NCKAP5: variants seen among roughly 807,000 people sequenced by gnomAD.
NCKAP5 encodes the protein nck-associated protein 5.
Under a neutral mutation model 167.0 loss-of-function variants are expected in NCKAP5, and 92 were observed. The ratio of observed to expected loss-of-function variants is 0.55; its 90% CI spans 0.47 to 0.66. The LOEUF is 0.66. Among genes scored for constraint, NCKAP5 ranks in the 30% least tolerant of loss-of-function variants. The pLI, the probability that NCKAP5 is intolerant of heterozygous loss-of-function variation, is 0.00. For synonymous variants in NCKAP5, 891 were observed against 877.4 expected, an observed-to-expected ratio of 1.02 and a Z score of -0.27; for missense variants, 2,378 against 2,315.0, an observed-to-expected ratio of 1.03 and a Z score of -0.56.
At chr2:133,181,390 A>G (rs992911648) in intron 5 of NCKAP5, among the ~76,000 whole-genome samples, 2 of 152,090 alleles carry the variant, frequency 1.3e-5, no homozygotes, top group Non-Finnish European at 2.9e-5. Context: ...ACATGCAAGG[A>G]AAAAAAGCAC....
intron 6 of NCKAP5, among the ~76,000 whole-genome samples, chr2:133,017,604 A>G (rs1354116258): frequency 1.3e-5 from 2 of 152,016 alleles, no homozygotes; most frequent in East Asian, 3.9e-4. Flanking sequence ...TCTTGCCTGT[A>G]GATTCTGAAA....
chr2:133,273,533 G>A (rs2089603197), intron 4 of NCKAP5, among the ~76,000 whole-genome samples: 1 of 151,974 alleles, frequency 6.6e-6, no homozygotes, highest in Admixed American at 6.6e-5. Flanking sequence ...GGAAGAATAG[G>A]AGGAGGAAAG....
At chr2:132,831,667 G>A (rs2105368787) in intron 11 of NCKAP5, among the ~76,000 whole-genome samples, 1 of 151,732 alleles carries the variant, frequency 6.6e-6, no homozygotes, top group South Asian at 2.1e-4. Context: ...TCTGTTTCTT[G>A]TCTTTTAACT....
intron 5 of NCKAP5, among the ~76,000 whole-genome samples, chr2:133,137,312 T>C (rs1185835374): frequency 6.6e-6 from 1 of 151,930 alleles, no homozygotes; most frequent in African/African-American, 2.4e-5. Context: ...GATGCAAGGA[T>C]AGAAACAGCC....
intron 4 of NCKAP5, among the ~76,000 whole-genome samples, chr2:133,283,612 A>ATTT (rs34533937): frequency 7.0e-6 from 1 of 143,334 alleles, no homozygotes; most frequent in Non-Finnish European, 1.5e-5. Context: ...GCTGAAAAGG[A>ATTT]TTTTTTTTTT....
chr2:133,209,585 T>C (rs1319790051), intron 5 of NCKAP5, among the ~76,000 whole-genome samples: 3 of 151,800 alleles, frequency 2.0e-5, no homozygotes, highest in East Asian at 3.9e-4. Flanking sequence ...CTTCTACATA[T>C]GCGCTCACTT....
intron 6 of NCKAP5, among the ~76,000 whole-genome samples, chr2:133,012,967 T>C (rs1033270989): frequency 1.3e-5 from 2 of 152,174 alleles, no homozygotes; most frequent in Non-Finnish European, 2.9e-5. Context: ...CCTTCTCTCG[T>C]CTTTCTTATG....
intron 3 of NCKAP5, among the ~76,000 whole-genome samples, chr2:133,403,430 A>T (rs899047082): frequency 1.3e-5 from 2 of 152,210 alleles, no homozygotes; most frequent in African/African-American, 2.4e-5. Flanking sequence ...GTAATTTCTT[A>T]TAGGTTTTAC....
intron 17 of NCKAP5, among the ~76,000 whole-genome samples, chr2:132,730,667 C>T (rs1040292256): frequency 2.8e-4 from 43 of 152,286 alleles, no homozygotes; most frequent in African/African-American, 9.6e-4. Flanking sequence ...CAGCAGCCGC[C>T]GCTGAATTGA....
At chr2:132,728,309 G>A (rs1211140324) in intron 18 of NCKAP5, among the ~76,000 whole-genome samples, 3 of 152,102 alleles carry the variant, frequency 2.0e-5, no homozygotes, top group Non-Finnish European at 2.9e-5. Flanking sequence ...TGTCATCTCA[G>A]GGCAGATGAA....
intron 5 of NCKAP5, among the ~76,000 whole-genome samples, chr2:133,140,239 A>G (rs960115754): frequency 4.6e-5 from 7 of 152,196 alleles, no homozygotes; most frequent in South Asian, 2.1e-4. Flanking sequence ...TGGAGACAGT[A>G]TATTCTATGC....
intron 3 of NCKAP5, among the ~76,000 whole-genome samples, chr2:133,473,902 G>A (rs973489224): frequency 1.3e-5 from 2 of 152,100 alleles, no homozygotes; most frequent in African/African-American, 4.8e-5. Context: ...AAAGCAGGAG[G>A]AAGGAAGAAT....
At chr2:132,766,852 A>C (rs115867397) in intron 16 of NCKAP5, among the ~76,000 whole-genome samples, 513 of 152,310 alleles carry the variant, frequency 3.4e-3, no homozygotes, top group Non-Finnish European at 5.4e-3. Flanking sequence ...ATTCCTTGAT[A>C]ATAACAACTG....
At chr2:133,159,786 G>A (rs541830700) in intron 5 of NCKAP5, among the ~76,000 whole-genome samples, 2 of 152,240 alleles carry the variant, frequency 1.3e-5, no homozygotes, top group African/African-American at 2.4e-5. Flanking sequence ...ACAGTGACAG[G>A]CACAAGCAAG....
At chr2:133,021,380 T>TG (rs760107706) in intron 6 of NCKAP5, among the ~76,000 whole-genome samples, 4 of 152,058 alleles carry the variant, frequency 2.6e-5, no homozygotes, top group Non-Finnish European at 5.9e-5. Context: ...GGGAGTGGAA[T>TG]GGGAAAAAAT....
chr2:133,654,473 A>G, the NCKAP5 span, among the ~76,000 whole-genome samples: 1 of 152,050 alleles, frequency 6.6e-6, no homozygotes, highest in Non-Finnish European at 1.5e-5. Context: ...CCTATTCCCA[A>G]CCTCTTCCCA....
chr2:133,543,494 T>C (rs1686398605), intron 2 of NCKAP5, among the ~76,000 whole-genome samples: 1 of 152,184 alleles, frequency 6.6e-6, no homozygotes, highest in Non-Finnish European at 1.5e-5. Context: ...GATAAAATTG[T>C]CTCTTTTTGT....
chr2:132,706,415 A>G (rs1232184433), intron 19 of NCKAP5, among the ~76,000 whole-genome samples: 2 of 152,198 alleles, frequency 1.3e-5, no homozygotes, highest in African/African-American at 4.8e-5. Context: ...TCACTGGGTG[A>G]CCTTGGGTGT....
At chr2:133,604,621 G>A in the NCKAP5 span, among the ~76,000 whole-genome samples, 4 of 151,718 alleles carry the variant, frequency 2.6e-5, no homozygotes, top group African/African-American at 9.7e-5. Context: ...AGCTAAGAAC[G>A]TGAACCCAGG....
Sources: allele counts gnomAD v4.1 joint callset (sites outside exome capture counted in the v4.1 genomes callset), GRCh38; gene constraint gnomAD v4.1.1; transcripts MANE v1.5; gene names NCBI Gene and HGNC (gene_info 2026-07-23, HGNC 2026-07-21).